Variants in PRKN observed in about 807,000 individuals in gnomAD.
The protein encoded by PRKN is parkin RBR E3 ubiquitin protein ligase, also known as E3 ubiquitin-protein ligase parkin.
A neutral mutation model predicts 59.5 loss-of-function variants in PRKN; 56 were observed. The ratio of observed to expected loss-of-function variants is 0.94; its 90% CI spans 0.76 to 1.18. The LOEUF is 1.18. PRKN is among the 50% of genes most tolerant of loss of function. The pLI, the probability that PRKN is intolerant of heterozygous loss-of-function variation, is 0.00. For synonymous variants in PRKN, 250 were observed against 222.1 expected (o/e 1.13, Z -1.12); for missense variants, 657 against 596.4 (o/e 1.10, Z -1.06).
At chr6:162,480,508 T>C (rs951432218) in intron 1 of PRKN, among the ~76,000 whole-genome samples, 2 of 152,128 alleles carry the variant, frequency 1.3e-5, no homozygotes, top group Non-Finnish European at 2.9e-5. Context: ...GACTCCTTCT[T>C]TGTGCCATGG....
chr6:161,986,725 A>G (rs1345430400), intron 5 of PRKN, among the ~76,000 whole-genome samples: 1 of 151,506 alleles, frequency 6.6e-6, no homozygotes, highest in Non-Finnish European at 1.5e-5. Context: ...CTGCTGTTGA[A>G]TCCATTGTGC....
At chr6:161,944,897 A>T (rs1779723208) in intron 6 of PRKN, among the ~76,000 whole-genome samples, 1 of 152,202 alleles carries the variant, frequency 6.6e-6, no homozygotes, top group Non-Finnish European at 1.5e-5. Flanking sequence ...CACAGAATAC[A>T]TGCTGTATTT....
At chr6:162,336,907 A>G (rs73026889) in intron 2 of PRKN, among the ~76,000 whole-genome samples, 1 of 152,194 alleles carries the variant, frequency 6.6e-6, no homozygotes, top group South Asian at 2.1e-4. Context: ...AATTGTTTTC[A>G]TCACTGGGGG....
At chr6:161,877,793 T>C (rs1044328445) in intron 6 of PRKN, among the ~76,000 whole-genome samples, 14 of 151,972 alleles carry the variant, frequency 9.2e-5, no homozygotes, top group African/African-American at 3.1e-4. Flanking sequence ...AAAAGAGCTT[T>C]AGTTAAGAGT....
chr6:162,346,617 C>T (rs1324400748), intron 2 of PRKN, among the ~76,000 whole-genome samples: 1 of 151,834 alleles, frequency 6.6e-6, no homozygotes, highest in Non-Finnish European at 1.5e-5. Context: ...TGAGACCTTG[C>T]CCCCATACCC....
intron 3 of PRKN, among the ~76,000 whole-genome samples, chr6:162,222,241 T>A (rs1777968272): frequency 6.6e-6 from 1 of 152,126 alleles, no homozygotes; most frequent in Non-Finnish European, 1.5e-5. Flanking sequence ...GGAGGTTATA[T>A]TAAATACCAA....
At chr6:161,820,562 CAAAT>C (rs1472851572) in intron 6 of PRKN, among the ~76,000 whole-genome samples, 3 of 145,216 alleles carry the variant, frequency 2.1e-5, no homozygotes, top group East Asian at 3.9e-4. Context: ...TAAAAAATTA[CAAAT>C]AAATATAAAA....
At chr6:162,713,190 G>C (rs763799090) in intron 1 of PRKN, among the ~76,000 whole-genome samples, 1 of 152,204 alleles carries the variant, frequency 6.6e-6, no homozygotes, top group East Asian at 1.9e-4. Flanking sequence ...AGAATGGCAA[G>C]AAACTGGTAT....
At chr6:161,453,511 T>C (rs59381373) in intron 9 of PRKN, among the ~76,000 whole-genome samples, 2,680 of 152,280 alleles carry the variant, frequency 0.018, 86 homozygotes, top group African/African-American at 0.061. Flanking sequence ...CTTGATAATC[T>C]TAACGGGCCT....
chr6:162,104,926 A>T (rs1239702686), intron 4 of PRKN, among the ~76,000 whole-genome samples: 1 of 152,240 alleles, frequency 6.6e-6, no homozygotes, highest in Non-Finnish European at 1.5e-5. Flanking sequence ...TTTCCTGGGC[A>T]ATAAGGATAA....
intron 2 of PRKN, among the ~76,000 whole-genome samples, chr6:162,410,204 CT>C (rs11336621): frequency 0.48 from 71,170 of 149,392 alleles, 18,472 homozygotes; most frequent in East Asian, 0.69. Context: ...AGAATAAAAT[CT>C]TTTTTTTTTT....
intron 1 of PRKN, among the ~76,000 whole-genome samples, chr6:162,478,700 G>T (rs528327211): frequency 7.2e-5 from 11 of 152,222 alleles, no homozygotes; most frequent in East Asian, 3.9e-4. Flanking sequence ...AACCCAGATG[G>T]TACAGGCGAC....
At chr6:161,658,645 C>A (rs1230769741) in intron 7 of PRKN, among the ~76,000 whole-genome samples, 1 of 152,014 alleles carries the variant, frequency 6.6e-6, no homozygotes, top group Non-Finnish European at 1.5e-5. Flanking sequence ...TGGGGACATG[C>A]GAAATAATAG....
chr6:161,356,764 C>A lies in PRKN; in HGVS notation c.1285+3324G>T, dbSNP rs1347329568. Among the ~76,000 whole-genome samples, 1 of 152,118 alleles carries A rather than the reference C, an allele frequency of 6.6e-6. No individual in the cohort carries two copies. The highest frequency in any genetic ancestry group is 1.5e-5 in the Non-Finnish European group (1 of 68,026). ...GAAAAGGTTTTCTAGGAGCAGCTAG[C>A]ACTCTGCTTTGTGAAATTTGAGCTG... On this transcript the variant is annotated intron_variant, in intron 11 of 11. Coordinates refer to ENST00000366898, the MANE Select transcript of PRKN (RefSeq NM_004562.3). This position sits in a 1 kb window ranked among gnomAD's most constrained non-coding sequence, Gnocchi z 7.8.
chr6:162,412,279 G>A (rs993223686), intron 2 of PRKN, among the ~76,000 whole-genome samples: 11 of 152,038 alleles, frequency 7.2e-5, no homozygotes, highest in South Asian at 4.1e-4. Flanking sequence ...ATATCCTACC[G>A]TGAGGATGGC....
At chr6:162,200,652 T>G (rs1287128405) in intron 4 of PRKN, among the ~76,000 whole-genome samples, 1 of 152,246 alleles carries the variant, frequency 6.6e-6, no homozygotes, top group Admixed American at 6.5e-5. Flanking sequence ...TACTGTTTGC[T>G]GATCCATACT....
intron 1 of PRKN, among the ~76,000 whole-genome samples, chr6:162,595,573 G>A (rs1243808425): frequency 6.6e-6 from 1 of 151,992 alleles, no homozygotes; most frequent in Non-Finnish European, 1.5e-5. Flanking sequence ...GATTTTTCTT[G>A]AGGTTTGGCT....
intron 4 of PRKN, among the ~76,000 whole-genome samples, chr6:162,196,216 T>A (rs367900846): frequency 2.0e-5 from 3 of 152,096 alleles, no homozygotes; most frequent in African/African-American, 7.2e-5. Context: ...GGTTTTCAAA[T>A]CATGCCAAGG....
chr6:161,419,926 C>T lies in PRKN; in HGVS notation c.1084-33049G>A, dbSNP rs779918769. ...AAAGTTCCTAGCACTGCGCCTGGCA[C>T]GTAAAAGGCACTTGTTTAAGAACTT... On this transcript the variant is annotated intron_variant, in intron 9 of 11. Coordinates refer to ENST00000366898, the MANE Select transcript of PRKN (RefSeq NM_004562.3). The surrounding 1 kb of genome is among the most constrained non-coding windows in gnomAD (Gnocchi z 4.1). Among the ~76,000 whole-genome samples, 84 of 151,986 alleles carry T rather than the reference C, an allele frequency of 5.5e-4. No homozygotes were observed. Among genetic ancestry groups the T allele is most frequent in the African/African-American group, 1.4e-3 (59 of 41,384 alleles).
Sources: gnomAD v4.1 joint callset for allele counts (sites outside exome capture counted in the v4.1 genomes callset) on GRCh38, gnomAD v4.1.1 for gene constraint, Gnocchi (gnomAD v3.1) non-coding constraint, MANE v1.5 for transcripts, NCBI Gene and HGNC (gene_info 2026-07-23, HGNC 2026-07-21) for gene names.